EFNA5: variants seen among roughly 807,000 people sequenced by gnomAD.
The protein encoded by EFNA5 is ephrin-A5.
In EFNA5, 5 loss-of-function variants were observed where a neutral mutation model predicts 22.9. The observed-to-expected ratio is 0.22, with a 90% CI of 0.11 to 0.46. The LOEUF is 0.46. Among genes scored for constraint, EFNA5 ranks in the 20% least tolerant of loss-of-function variants. The pLI, the probability that EFNA5 is intolerant of heterozygous loss-of-function variation, is 0.99. For synonymous variants in EFNA5, 113 were observed against 112.2 expected, an observed-to-expected ratio of 1.01 and a Z score of -0.04; for missense variants, 237 against 293.3, an observed-to-expected ratio of 0.81 and a Z score of 1.40.
At chr5:107,653,865 A>G (rs1043643619) in intron 1 of EFNA5, among the ~76,000 whole-genome samples, 2 of 152,160 alleles carry the variant, frequency 1.3e-5, no homozygotes, top group Non-Finnish European at 2.9e-5. Context: ...GATCCTATCA[A>G]CCACTCAAGA....
intron 1 of EFNA5, among the ~76,000 whole-genome samples, chr5:107,636,549 T>G (rs1289134105): frequency 6.6e-6 from 1 of 152,246 alleles, no homozygotes; most frequent in Admixed American, 6.5e-5. Context: ...ACAGAAAATC[T>G]GAAAGATGTG....
At chr5:107,406,510 T>C (rs1009031875) in intron 2 of EFNA5, among the ~76,000 whole-genome samples, 2 of 152,024 alleles carry the variant, frequency 1.3e-5, no homozygotes, top group African/African-American at 2.4e-5. Context: ...CCTCCTCCAA[T>C]GTTAACTATT....
chr5:107,638,101 C>T (rs1010423577), intron 1 of EFNA5, among the ~76,000 whole-genome samples: 1 of 152,038 alleles, frequency 6.6e-6, no homozygotes, highest in Non-Finnish European at 1.5e-5. Flanking sequence ...GATCCGTCCA[C>T]CTTGGCCTCT....
intron 1 of EFNA5, among the ~76,000 whole-genome samples, chr5:107,635,106 T>C (rs1047515568): frequency 6.6e-6 from 1 of 152,224 alleles, no homozygotes; most frequent in Non-Finnish European, 1.5e-5. Flanking sequence ...TTTTGAACTG[T>C]GGTTTCCAGA....
At chr5:107,598,282 G>C (rs571311339) in intron 1 of EFNA5, among the ~76,000 whole-genome samples, 2 of 152,200 alleles carry the variant, frequency 1.3e-5, no homozygotes, top group South Asian at 4.1e-4. Context: ...CCTTACTGCA[G>C]TCCTGCCCTG....
At chr5:107,524,469 A>G (rs1457294388) in intron 1 of EFNA5, among the ~76,000 whole-genome samples, 1 of 152,246 alleles carries the variant, frequency 6.6e-6, no homozygotes, top group Non-Finnish European at 1.5e-5. Context: ...CAGGTAGGTG[A>G]AAAACAATAG....
intron 1 of EFNA5, among the ~76,000 whole-genome samples, chr5:107,588,470 C>A (rs1184714807): frequency 6.6e-6 from 1 of 152,186 alleles, no homozygotes; most frequent in African/African-American, 2.4e-5. Context: ...GCCATGTTTA[C>A]AGGAAAGTGA....
chr5:107,645,193 G>C (rs1213639574), intron 1 of EFNA5, among the ~76,000 whole-genome samples: 2 of 152,050 alleles, frequency 1.3e-5, no homozygotes, highest in South Asian at 4.1e-4. Flanking sequence ...TCCAGACATG[G>C]GTTAAATACA....
At chr5:107,592,136 A>T (rs1312626842) in intron 1 of EFNA5, among the ~76,000 whole-genome samples, 1 of 135,746 alleles carries the variant, frequency 7.4e-6, no homozygotes, top group Non-Finnish European at 1.5e-5. Context: ...TATATAGAAT[A>T]AATGAGTCAA....
chr5:107,425,932 G>C (rs1748800108), intron 2 of EFNA5, among the ~76,000 whole-genome samples: 1 of 152,140 alleles, frequency 6.6e-6, no homozygotes, highest in Admixed American at 6.6e-5. Flanking sequence ...GAAAGTCGAT[G>C]CTAAGCATAC....
Position 107,636,159 on chromosome 5 carries a change from T to C in EFNA5, c.125+34330A>G, listed in dbSNP as rs181545680. On this transcript the variant is annotated intron_variant, in intron 1 of 4. Coordinates refer to ENST00000333274, the MANE Select transcript of EFNA5 (RefSeq NM_001962.3). Reference sequence around the variant, plus strand: ...CTACCATGAAAACATATTTTATATATGTGTGTGTACATAAATCTGTTTTGC... The same window carrying C: ...CTACCATGAAAACATATTTTATATACGTGTGTGTACATAAATCTGTTTTGC... Among the ~76,000 whole-genome samples, 76 of 152,330 alleles carry C rather than the reference T, an allele frequency of 5.0e-4. 1 individual carries two copies. The East Asian group carries it at 8.1e-3, about 16-fold the overall frequency.
chr5:107,592,947 T>C (rs896824786), intron 1 of EFNA5, among the ~76,000 whole-genome samples: 1 of 152,150 alleles, frequency 6.6e-6, no homozygotes, highest in Non-Finnish European at 1.5e-5. Context: ...TAAATAGCCA[T>C]GAGGAAGCAG....
chr5:107,380,127 C>T lies in EFNA5; in HGVS notation c.*1128G>A, dbSNP rs143176362. On this transcript the variant is annotated 3_prime_UTR_variant, in exon 5 of 5. Coordinates refer to ENST00000333274, the MANE Select transcript of EFNA5 (RefSeq NM_001962.3). The stretch of plus-strand genomic sequence containing the variant: ...TCTCCTGGTGACAGGGGTTTGTGTC[C>T]GAGCCCCTGCGGTCAAGGAGTGTGG... 2.6e-4 allele frequency: 40 copies of T among 151,836 alleles called. No individual in the cohort carries two copies. Among genetic ancestry groups the T allele is most frequent in the African/African-American group, 9.4e-4 (39 of 41,394 alleles). 9.4% of individuals were successfully genotyped at this position (151,836 alleles called of 1,614,324 possible). A position where few individuals can be genotyped will look rare whatever the true frequency, so the allele number is the denominator to read the frequency against.
chr5:107,587,596 A>C (rs1449773368), intron 1 of EFNA5, among the ~76,000 whole-genome samples: 1 of 152,132 alleles, frequency 6.6e-6, no homozygotes, highest in Non-Finnish European at 1.5e-5. Context: ...GGCTCACTGC[A>C]AGCTCCGCCT....
chr5:107,513,886 G>T (rs1747425405), intron 1 of EFNA5, among the ~76,000 whole-genome samples: 1 of 152,156 alleles, frequency 6.6e-6, no homozygotes, highest in East Asian at 1.9e-4. Flanking sequence ...AAGCTGATCT[G>T]TGTGATACAG....
chr5:107,473,958 C>A (rs1044372057), intron 1 of EFNA5, among the ~76,000 whole-genome samples: 12 of 152,140 alleles, frequency 7.9e-5, no homozygotes, highest in African/African-American at 2.9e-4. Flanking sequence ...CATGCCTGGC[C>A]TCATTTGACT....
chr5:107,669,168 G>A (rs1290291566), intron 1 of EFNA5, among the ~76,000 whole-genome samples: 1 of 151,938 alleles, frequency 6.6e-6, no homozygotes, highest in Non-Finnish European at 1.5e-5. Context: ...CTGAGGGGAG[G>A]CTGGAGGCAG....
intron 1 of EFNA5, among the ~76,000 whole-genome samples, chr5:107,513,282 C>G (rs1747411344): frequency 6.6e-6 from 1 of 152,002 alleles, no homozygotes; most frequent in Non-Finnish European, 1.5e-5. Flanking sequence ...GAGAGAGACT[C>G]TATCAAATAA....
chr5:107,616,675 G>C (rs1366758122), intron 1 of EFNA5, among the ~76,000 whole-genome samples: 2 of 152,196 alleles, frequency 1.3e-5, no homozygotes, highest in African/African-American at 4.8e-5. Context: ...TCAGTTGCTA[G>C]TAGAAAGTAT....
Sources: allele counts gnomAD v4.1 joint callset (sites outside exome capture counted in the v4.1 genomes callset), GRCh38; gene constraint gnomAD v4.1.1; transcripts MANE v1.5; gene names NCBI Gene and HGNC (gene_info 2026-07-23, HGNC 2026-07-21).